The following HSD17B11 variants were observed in gnomAD, a reference collection of about 807,000 sequenced individuals.
HSD17B11 encodes the protein hydroxysteroid 17-beta dehydrogenase 11, also known as estradiol 17-beta-dehydrogenase 11.
A neutral mutation model predicts 27.8 loss-of-function variants in HSD17B11; 22 were observed. That is an observed-to-expected ratio of 0.79 (90% confidence interval 0.56 to 1.13). The LOEUF (loss-of-function observed/expected upper bound fraction) is 1.13, where lower values mean the gene tolerates loss of function less well. Among genes scored for constraint, HSD17B11 ranks in the 50% most tolerant of loss-of-function variants. The pLI is 0.00. For missense variants in HSD17B11, 314 were observed against 351.1 expected (o/e 0.89, Z 0.84); for synonymous variants, 117 against 132.8 (o/e 0.88, Z 0.82).
intron 2 of HSD17B11, among the ~76,000 whole-genome samples, chr4:87,378,818 AAATATAT>A (rs1181415671): frequency 1.2e-4 from 5 of 41,886 alleles, no homozygotes; most frequent in Middle Eastern, 9.4e-3. Flanking sequence ...TATAAATATA[AAATATAT>A]ATATAAATAT....
chr4:87,343,841 C>T (rs749739192), intron 5 of HSD17B11, among the ~76,000 whole-genome samples: 7 of 152,156 alleles, frequency 4.6e-5, no homozygotes, highest in Admixed American at 1.3e-4. Flanking sequence ...AGCCACTGTG[C>T]CTGGCCTCAA....
At chr4:87,364,508 A>G (rs930933953) in intron 4 of HSD17B11, among the ~76,000 whole-genome samples, 1 of 152,070 alleles carries the variant, frequency 6.6e-6, no homozygotes, top group Non-Finnish European at 1.5e-5. Context: ...GTAGTTATGG[A>G]GGGATACTTG....
chr4:87,367,971 A>C (rs1735638787), intron 4 of HSD17B11, among the ~76,000 whole-genome samples: 1 of 152,188 alleles, frequency 6.6e-6, no homozygotes, highest in Admixed American at 6.5e-5. Flanking sequence ...GGCTTACTAA[A>C]TGTTTTCTTA....
At chr4:87,358,066 A>G (rs1735425337) in intron 4 of HSD17B11, among the ~76,000 whole-genome samples, 2 of 136,610 alleles carry the variant, frequency 1.5e-5, no homozygotes, top group Non-Finnish European at 3.0e-5. Flanking sequence ...GGTTCCCGCC[A>G]TTCTCCTGCC....
chr4:87,387,406 C>T (rs899553492), intron 1 of HSD17B11, among the ~76,000 whole-genome samples: 5 of 152,106 alleles, frequency 3.3e-5, no homozygotes, highest in Admixed American at 2.6e-4. Context: ...TCCGTTTGGC[C>T]CCTCCCTGCC....
intron 6 of HSD17B11, 93 bp from the exon 7 acceptor site, chr4:87,337,459 T>C: frequency 2.7e-6 from 2 of 736,948 alleles, no homozygotes; most frequent in Non-Finnish European, 4.7e-6. Context: ...TTATCATGTA[T>C]AGTCATGTTC....
chr4:87,346,211 T>A (rs1191354111), intron 5 of HSD17B11, among the ~76,000 whole-genome samples: 1 of 152,186 alleles, frequency 6.6e-6, no homozygotes, highest in Non-Finnish European at 1.5e-5. Flanking sequence ...GCATTTGACA[T>A]GATACAACGT....
rs1398257656 is a variant in HSD17B11, at chr4:87,390,856, G to A, written c.210+5C>T. 6.2e-7 allele frequency: 1 copy of A among 1,612,382 alleles called. No homozygotes were observed. On this transcript the variant is annotated splice_donor_5th_base_variant and intron_variant, in intron 1 of 6. Transcript: ENST00000358290. ...CAGAAAGTAAAACATAGTAAACACT[G>A]TTACCTTATTTATATCCCAGAGAAC...
intron 2 of HSD17B11, among the ~76,000 whole-genome samples, chr4:87,380,863 C>CAAAAAAAAAAAAAAAAAAAAAAA (rs561938045): frequency 6.7e-5 from 5 of 74,704 alleles, no homozygotes; most frequent in Admixed American, 1.6e-4. Context: ...GACTCTATCT[C>CAAAAAAAAAAAAAAAAAAAAAAA]AAAAAAAAAA....
intron 2 of HSD17B11, among the ~76,000 whole-genome samples, chr4:87,380,829 G>A (rs1236399420): frequency 3.9e-5 from 5 of 128,954 alleles, no homozygotes; most frequent in African/African-American, 1.5e-4. Flanking sequence ...CTGCACTCCA[G>A]CCTGGGCGAC....
In HSD17B11 at chr4:87,372,698, T is replaced by C. The variant is rs1735743266; in HGVS notation, c.557+11A>G. ...CATAAGAACCAATGAAGGAAACACATGTTCACATACCAGTAAGCCAGTAAG... is the reference window on the plus strand; with the variant it reads ...CATAAGAACCAATGAAGGAAACACACGTTCACATACCAGTAAGCCAGTAAG... On this transcript the variant is annotated intron_variant, in intron 4 of 6. Coordinates refer to ENST00000358290, the MANE Select transcript of HSD17B11 (RefSeq NM_016245.5). The C allele has an allele frequency of 2.6e-6, 4 of 1,532,132 alleles. No homozygotes were observed. The highest frequency in any genetic ancestry group is 1.4e-5 in the African/African-American group (1 of 72,712). The allele number at this position is 1,532,132 out of a possible 1,614,324, so 94.9% of individuals were successfully genotyped here.
chr4:87,344,142 G>A (rs1024573509), intron 5 of HSD17B11, among the ~76,000 whole-genome samples: 1 of 152,194 alleles, frequency 6.6e-6, no homozygotes, highest in African/African-American at 2.4e-5. Flanking sequence ...AGTTACACTA[G>A]ACAAATGTTA....
intron 1 of HSD17B11, 91 bp from the exon 2 acceptor site, chr4:87,382,453 T>G: frequency 1.2e-6 from 1 of 820,844 alleles, no homozygotes; most frequent in Middle Eastern, 2.4e-4. Context: ...TTTTAAAAAG[T>G]AGTGAGATTC....
intron 4 of HSD17B11, among the ~76,000 whole-genome samples, chr4:87,369,456 T>A (rs1335586065): frequency 6.6e-6 from 1 of 151,972 alleles, no homozygotes; most frequent in African/African-American, 2.4e-5. Flanking sequence ...CTTTTTGTGT[T>A]GAGGTCTGTC....
chr4:87,387,107 C>G (rs1720341640), intron 1 of HSD17B11: 1 of 152,260 alleles, frequency 6.6e-6, no homozygotes, highest in Non-Finnish European at 1.5e-5. Flanking sequence ...AACTCCCGGC[C>G]TCAAGCAATC....
Position 87,343,383 on chromosome 4 carries a change from T to C in HSD17B11, c.696-2777A>G, listed in dbSNP as rs533168739. Among the ~76,000 whole-genome samples the C allele has an allele frequency of 2.6e-5, 4 of 152,174 alleles. No individual in the cohort carries two copies. The East Asian group carries it at 7.7e-4, about 29-fold the overall frequency. On this transcript the variant is annotated intron_variant, in intron 5 of 6. Coordinates refer to ENST00000358290, the MANE Select transcript of HSD17B11 (RefSeq NM_016245.5). ...TGTTCTTAATGGATTTTGTAGAAAC[T>C]ATCCAAAAACACTTCAAGCCAATCT... is the stretch of plus-strand genomic sequence containing the variant.
chr4:87,363,732 G>A lies in HSD17B11; in HGVS notation c.558-6316C>T, dbSNP rs565686583. 3.9e-4 allele frequency among the ~76,000 whole-genome samples: 60 copies of A among 152,332 alleles called. 2 individuals carry two copies. Among genetic ancestry groups the A allele is most frequent in the Admixed American group, 2.2e-3 (33 of 15,308 alleles). ...CTAATCTAGACTACTTCTGAGAAAA[G>A]AAATAGACACTGCCCAGACCTGTAG... On this transcript the variant is annotated intron_variant, in intron 4 of 6. Transcript: ENST00000358290.
At chr4:87,376,996 G>C (rs1735839874) in intron 2 of HSD17B11, among the ~76,000 whole-genome samples, 1 of 152,076 alleles carries the variant, frequency 6.6e-6, no homozygotes, top group South Asian at 2.1e-4. Context: ...TGAGTGTGGT[G>C]GTGGGTTCCT....
chr4:87,374,312 A>G (rs556939913), intron 3 of HSD17B11: 1 of 169,722 alleles, frequency 5.9e-6, no homozygotes, highest in South Asian at 1.4e-4. Flanking sequence ...ACAGAGTGAG[A>G]CCCTGTCTAA....
Sources: gnomAD v4.1 joint callset for allele counts (sites outside exome capture counted in the v4.1 genomes callset) on GRCh38, gnomAD v4.1.1 for gene constraint, MANE v1.5 for transcripts, NCBI Gene and HGNC (gene_info 2026-07-23, HGNC 2026-07-21) for gene names.